MIR2052HG: variants seen among roughly 807,000 people sequenced by gnomAD.
The protein encoded by MIR2052HG is MIR2052 host gene.
At chr8:74,754,554 A>G (rs1809980068) in intron 5 of MIR2052HG, among the ~76,000 whole-genome samples, 1 of 152,202 alleles carries the variant, frequency 6.6e-6, no homozygotes, top group Non-Finnish European at 1.5e-5. Flanking sequence ...TGGAAATGAG[A>G]AAAATGGTAG....
At chr8:74,744,733 C>T (rs1196682671) in intron 4 of MIR2052HG, among the ~76,000 whole-genome samples, 4 of 152,048 alleles carry the variant, frequency 2.6e-5, no homozygotes, top group African/African-American at 7.2e-5. Flanking sequence ...CATTGTTGGA[C>T]ATTTGGGTTG....
intron 2 of MIR2052HG, among the ~76,000 whole-genome samples, chr8:74,617,483 GTGTGTA>G (rs1448922398): frequency 8.1e-6 from 1 of 123,446 alleles, no homozygotes; most frequent in Non-Finnish European, 1.8e-5. Context: ...GTGTGTGTGT[GTGTGTA>G]TACATACATA....
chr8:74,684,430 T>A (rs1809158673), intron 2 of MIR2052HG, among the ~76,000 whole-genome samples: 1 of 152,018 alleles, frequency 6.6e-6, no homozygotes, highest in South Asian at 2.1e-4. Flanking sequence ...ATAGCAAATG[T>A]CAACATTTAG....
chr8:74,735,928 T>C (rs1256095142), intron 4 of MIR2052HG, among the ~76,000 whole-genome samples: 1 of 152,218 alleles, frequency 6.6e-6, no homozygotes, highest in African/African-American at 2.4e-5. Flanking sequence ...GCTCTTTAGA[T>C]ACAAAGTTAA....
intron 1 of MIR2052HG, chr8:74,603,346 G>A (rs1176178626): frequency 9.3e-6 from 15 of 1,610,358 alleles, no homozygotes; most frequent in Admixed American, 3.3e-5. Flanking sequence ...TAGATATTGA[G>A]CCAGGCTAAT....
intron 2 of MIR2052HG, among the ~76,000 whole-genome samples, chr8:74,665,963 G>A (rs1340656367): frequency 6.6e-6 from 1 of 152,164 alleles, no homozygotes; most frequent in Non-Finnish European, 1.5e-5. Context: ...CCATGAGTGT[G>A]AGGCCTCCCC....
chr8:74,695,197 A>G (rs999216072), intron 2 of MIR2052HG, among the ~76,000 whole-genome samples: 27 of 152,228 alleles, frequency 1.8e-4, no homozygotes, highest in African/African-American at 6.3e-4. Context: ...TGAATTTTGT[A>G]TCCAGTGAAA....
At chr8:74,701,959 G>A (rs1230111034) in intron 2 of MIR2052HG, among the ~76,000 whole-genome samples, 3 of 152,072 alleles carry the variant, frequency 2.0e-5, no homozygotes, top group African/African-American at 7.2e-5. Flanking sequence ...AGGTTTCAAT[G>A]AAAGGTAAAT....
chr8:74,612,406 C>T (rs1385060184), intron 1 of MIR2052HG: 1 of 160,830 alleles, frequency 6.2e-6, no homozygotes, highest in Non-Finnish European at 1.4e-5. Flanking sequence ...TCTATCTAAG[C>T]TCACTCTGAG....
chr8:74,751,252 T>A (rs777624315), intron 4 of MIR2052HG, among the ~76,000 whole-genome samples: 1 of 152,216 alleles, frequency 6.6e-6, no homozygotes, highest in Non-Finnish European at 1.5e-5. Context: ...GTGAATTTAG[T>A]GCAACATTTT....
intron 2 of MIR2052HG, among the ~76,000 whole-genome samples, chr8:74,642,084 AT>A (rs1808644504): frequency 6.6e-6 from 1 of 152,042 alleles, no homozygotes; most frequent in Non-Finnish European, 1.5e-5. Context: ...TAATCCTCCC[AT>A]TTATATGGGA....
intron 2 of MIR2052HG, among the ~76,000 whole-genome samples, chr8:74,670,625 A>C (rs1003232716): frequency 1.3e-5 from 2 of 152,192 alleles, no homozygotes; most frequent in Non-Finnish European, 2.9e-5. Context: ...GAAAAAGAAA[A>C]GTTAGATACT....
chr8:74,714,091 C>T (rs187393334), intron 4 of MIR2052HG, among the ~76,000 whole-genome samples: 14 of 152,116 alleles, frequency 9.2e-5, no homozygotes, highest in African/African-American at 3.1e-4. Flanking sequence ...AATTAGGTTC[C>T]AAGGATTGAA....
chr8:74,635,227 A>T (rs1198067583), intron 2 of MIR2052HG, among the ~76,000 whole-genome samples: 1 of 151,854 alleles, frequency 6.6e-6, no homozygotes, highest in Non-Finnish European at 1.5e-5. Context: ...AGGTACAGAA[A>T]GCACAAAAAC....
intron 4 of MIR2052HG, among the ~76,000 whole-genome samples, chr8:74,717,841 A>C (rs1445933048): frequency 6.6e-6 from 1 of 152,042 alleles, no homozygotes; most frequent in Admixed American, 6.6e-5. Context: ...ATGCTAAACT[A>C]TTTTATTTTA....
chr8:74,712,876 G>T (rs943332992), intron 4 of MIR2052HG, among the ~76,000 whole-genome samples: 3 of 152,078 alleles, frequency 2.0e-5, no homozygotes, highest in African/African-American at 7.2e-5. Context: ...AAATAAAAAA[G>T]ACCTTGTTCT....
At chr8:74,663,634 C>T (rs957219133) in intron 2 of MIR2052HG, among the ~76,000 whole-genome samples, 7 of 152,230 alleles carry the variant, frequency 4.6e-5, no homozygotes, top group Non-Finnish European at 7.3e-5. Context: ...GGCTTCCTAA[C>T]TCTCATGAAG....
At chr8:74,624,325 G>A (rs541125169) in intron 2 of MIR2052HG, among the ~76,000 whole-genome samples, 1 of 152,236 alleles carries the variant, frequency 6.6e-6, no homozygotes, top group African/African-American at 2.4e-5. Context: ...TTCCAAGGGG[G>A]TTGATTTCAC....
At chr8:74,744,593 G>A (rs1036276325) in intron 4 of MIR2052HG, among the ~76,000 whole-genome samples, 3 of 151,494 alleles carry the variant, frequency 2.0e-5, no homozygotes, top group Middle Eastern at 3.4e-3. Flanking sequence ...TTTTGTCCTT[G>A]CGATAGTTTA....
Sources: allele counts gnomAD v4.1 joint callset (sites outside exome capture counted in the v4.1 genomes callset), GRCh38; gene constraint gnomAD v4.1.1; transcripts MANE v1.5; gene names NCBI Gene and HGNC (gene_info 2026-07-23, HGNC 2026-07-21).